PROSER2: variants seen among roughly 807,000 people sequenced by gnomAD.
The protein encoded by PROSER2 is proline and serine-rich protein 2.
PROSER2 carries 18 observed loss-of-function variants against 14.6 expected under a neutral mutation model. The observed-to-expected ratio is 1.23, with a 90% CI of 0.85 to 1.83. The LOEUF (loss-of-function observed/expected upper bound fraction) is 1.83. PROSER2 is among the 40% of genes most tolerant of loss of function. PROSER2 has a pLI of 0.00. For missense variants in PROSER2, 823 were observed against 629.8 expected (o/e 1.31, Z -3.28); for synonymous variants, 367 against 286.4 (o/e 1.28, Z -2.84).
Position 11,856,367 on chromosome 10 carries a change from C to T in PROSER2, c.138+4152C>T, listed in dbSNP as rs111651443. Among the ~76,000 whole-genome samples the T allele has an allele frequency of 1.3e-5, 2 of 152,170 alleles. No individual in the cohort carries two copies. Among genetic ancestry groups the T allele is most frequent in the Non-Finnish European group, 2.9e-5 (2 of 68,030 alleles). ...CCTCACACCAGCGTTCCCAGGCTCTCACTCTGAATGAGGTCCTGAAGTCGG... is the reference window on the plus strand; with the variant it reads ...CCTCACACCAGCGTTCCCAGGCTCTTACTCTGAATGAGGTCCTGAAGTCGG... On this transcript the variant is annotated intron_variant, in intron 2 of 3. Transcript: ENST00000277570. The surrounding 1 kb of genome is among the most constrained non-coding windows in gnomAD (Gnocchi z 5.3).
rs375679878 is a variant in PROSER2 at position 11,866,646 on chromosome 10, G to A, written c.254G>A (p.Gly85Glu). The stretch of plus-strand genomic sequence containing the variant: ...GAGGAGCCAGTGCTGTGCGATGGAG[G>A]AGTGTGCTGCCTCTGCTCCCCGTCT... The part of the protein sequence containing the change: ...DFEEPVLCDG[G>E]VCCLCSPSLE... The change falls in exon 3 of 4, where the codon GGA becomes GAA. Residue 85 changes from glycine (G) to glutamate (E), a missense_variant. Gly to Glu is a moderately conservative substitution (Grantham distance 98). Coordinates refer to ENST00000277570, the MANE Select transcript of PROSER2 (RefSeq NM_153256.4). This position sits in a 1 kb window ranked among gnomAD's most constrained non-coding sequence, Gnocchi z 6.0. 3 of 1,614,096 alleles carry A rather than the reference G, an allele frequency of 1.9e-6. No individual in the cohort carries two copies. Among genetic ancestry groups the A allele is most frequent in the Non-Finnish European group, 2.5e-6 (3 of 1,180,044 alleles).
intron 1 of PROSER2, among the ~76,000 whole-genome samples, chr10:11,835,925 A>G (rs1357223813): frequency 1.3e-5 from 2 of 152,160 alleles, no homozygotes; most frequent in South Asian, 2.1e-4. Flanking sequence ...AAGAGTTCCC[A>G]CCGTGAAACG....
At position 11,855,797 on chromosome 10, in the gene PROSER2, G is replaced by A. The variant is rs1055731532; in HGVS notation, c.138+3582G>A. On this transcript the variant is annotated intron_variant, in intron 2 of 3. Transcript: ENST00000277570. The stretch of plus-strand genomic sequence containing the variant: ...TACATAAATTCTAGAAGATGATCTC[G>A]AATAGTTTTTAAAGTTAAAATAGCC... 3.3e-5 allele frequency among the ~76,000 whole-genome samples: 5 copies of A among 152,138 alleles called. No individual in the cohort carries two copies. In the South Asian group the frequency reaches 8.3e-4, roughly 25 times the overall value.
At chr10:11,842,850 C>T (rs1233900872) in intron 1 of PROSER2, among the ~76,000 whole-genome samples, 3 of 149,202 alleles carry the variant, frequency 2.0e-5, no homozygotes, top group South Asian at 2.2e-4. Context: ...CATATGTGTG[C>T]GTGAATGTGT....
chr10:11,840,938 AAAAAAAAAAAAAAAAAAATATAT>A lies in PROSER2; in HGVS notation c.-81-11057_-81-11035del, dbSNP rs1406701895. On this transcript the variant is annotated intron_variant, in intron 1 of 3. Transcript: ENST00000277570. ...AGACTGTCTCAAAAAAAAAAAAAAA[AAAAAAAAAAAAAAAAAAATATAT>A]ATATATATATATATATATATATATA... Among the ~76,000 whole-genome samples the A allele has an allele frequency of 7.2e-3, 446 of 62,340 alleles. 1 individual carries two copies. Among genetic ancestry groups the A allele is most frequent in the Non-Finnish European group, 0.012 (359 of 31,156 alleles). 40.9% of individuals were successfully genotyped at this position (62,340 alleles called of 152,430 possible).
At chr10:11,868,176 T>G (rs1164260198) in intron 3 of PROSER2, among the ~76,000 whole-genome samples, 1 of 152,252 alleles carries the variant, frequency 6.6e-6, no homozygotes, top group African/African-American at 2.4e-5. Flanking sequence ...AACCAGCCGA[T>G]CCTTTTAAAA....
rs1173688599 is a variant in PROSER2, at chr10:11,870,355, G to A, written c.1257G>A (p.Glu419=). 6 of 1,508,746 alleles carry A rather than the reference G, an allele frequency of 4.0e-6. No homozygotes were observed. Among genetic ancestry groups the A allele is most frequent in the Non-Finnish European group, 5.3e-6 (6 of 1,130,806 alleles). The allele number at this position is 1,508,746 out of a possible 1,614,324, so 93.5% of individuals were successfully genotyped here. ...VQFAGRGSSE[E]ARREALRKLG... is the part of the protein sequence containing the mutation. ...TCGCGGGCCGCGGCTCCTCGGAGGA[G>A]GCGCGCAGGGAGGCCCTGCGGAAGC... Residue 419 remains glutamate (E), a synonymous_variant, in exon 4 of 4, where the codon GAG becomes GAA. Transcript: ENST00000277570.
Position 11,838,937 on chromosome 10 carries a change from C to T in PROSER2, c.-81-13060C>T, listed in dbSNP as rs1371836095. On this transcript the variant is annotated intron_variant, in intron 1 of 3. Coordinates refer to ENST00000277570, the MANE Select transcript of PROSER2 (RefSeq NM_153256.4). The surrounding 1 kb of genome is among the most constrained non-coding windows in gnomAD (Gnocchi z 4.4). ...TCTTCTATGAGCTGGCAGCTTTTCT[C>T]TTAATATTGTCTATGGTGTCCTTAA... Among the ~76,000 whole-genome samples the T allele has an allele frequency of 6.6e-6, 1 of 152,166 alleles. No homozygotes were observed. The highest frequency in any genetic ancestry group is 6.5e-5 in the Admixed American group (1 of 15,276).
intron 1 of PROSER2, among the ~76,000 whole-genome samples, chr10:11,840,922 C>CAAAA (rs1169517487): frequency 7.9e-5 from 4 of 50,406 alleles, no homozygotes; most frequent in Non-Finnish European, 9.7e-5. Flanking sequence ...GAGACTGTCT[C>CAAAA]AAAAAAAAAA....
Position 11,870,671 on chromosome 10 carries a change from A to C in PROSER2, c.*265A>C. ...CCTTTTCCCAAGAACTGAGAGAGAG[A>C]GAATAACCTGTTAGACCCATAGGTT... On this transcript the variant is annotated 3_prime_UTR_variant, in exon 4 of 4. Coordinates refer to ENST00000277570, the MANE Select transcript of PROSER2 (RefSeq NM_153256.4). 1 of 412,824 alleles carries C rather than the reference A, an allele frequency of 2.4e-6. No homozygotes were observed. The highest frequency in any genetic ancestry group is 5.6e-5 in the South Asian group (1 of 17,806). 25.6% of individuals were successfully genotyped at this position (412,824 alleles called of 1,614,324 possible). A position where few individuals can be genotyped will look rare whatever the true frequency, so the allele number is the denominator to read the frequency against.
In PROSER2 at chr10:11,832,530, C is replaced by T. The variant is rs145000680; in HGVS notation, c.-82+9060C>T. 5.7e-4 allele frequency among the ~76,000 whole-genome samples: 86 copies of T among 152,174 alleles called. 1 individual carries two copies. The highest frequency in any genetic ancestry group is 2.0e-3 in the African/African-American group (82 of 41,516). ...ATATTGGGAGGCGTTACTGGGTTAG[C>T]GTGTGTAATGTTTATTGGTGTCAAC... On this transcript the variant is annotated intron_variant, in intron 1 of 3. Coordinates refer to ENST00000277570, the MANE Select transcript of PROSER2 (RefSeq NM_153256.4).
chr10:11,829,040 G>A (rs949278257), intron 1 of PROSER2, among the ~76,000 whole-genome samples: 2 of 152,042 alleles, frequency 1.3e-5, no homozygotes, highest in Non-Finnish European at 2.9e-5. Context: ...TGCCGCAAGG[G>A]GTTAGCCTTC....
At chr10:11,867,611 G>A (rs1323342472) in intron 3 of PROSER2, among the ~76,000 whole-genome samples, 2 of 152,196 alleles carry the variant, frequency 1.3e-5, no homozygotes, top group Non-Finnish European at 2.9e-5. Flanking sequence ...GTGGCAGAGC[G>A]AGACCCTGTC....
intron 1 of PROSER2, among the ~76,000 whole-genome samples, chr10:11,834,770 T>C (rs932179005): frequency 4.6e-5 from 7 of 151,950 alleles, no homozygotes; most frequent in African/African-American, 1.7e-4. Context: ...CCACCTTGCC[T>C]GGCCTGTGGT....
chr10:11,869,389 T>A lies in PROSER2; in HGVS notation c.392-101T>A. 1 of 842,360 alleles carries A rather than the reference T, an allele frequency of 1.2e-6. No individual in the cohort carries two copies. 52.2% of individuals were successfully genotyped at this position (842,360 alleles called of 1,614,324 possible). On this transcript the variant is annotated intron_variant, in intron 3 of 3. Coordinates refer to ENST00000277570, the MANE Select transcript of PROSER2 (RefSeq NM_153256.4). The surrounding 1 kb of genome is among the most constrained non-coding windows in gnomAD (Gnocchi z 4.4). ...ACAGGCAGCACCGGCGAAGTTGGTGTCAGGTCCAGGTTGAGGCTCTTTTCA... is the reference window on the plus strand; with the variant it reads ...ACAGGCAGCACCGGCGAAGTTGGTGACAGGTCCAGGTTGAGGCTCTTTTCA...
In PROSER2 at chr10:11,823,895, G is replaced by C. The variant is rs539258678; in HGVS notation, c.-82+425G>C. ...GGCCTCGGGGAGAGGGTGCGGGTCCGACACGGCGGGCGGAGCCACCTGTTC... is the reference window on the plus strand; with the variant it reads ...GGCCTCGGGGAGAGGGTGCGGGTCCCACACGGCGGGCGGAGCCACCTGTTC... On this transcript the variant is annotated intron_variant, in intron 1 of 3. Transcript: ENST00000277570. The surrounding 1 kb of genome is among the most constrained non-coding windows in gnomAD (Gnocchi z 6.2). Among the ~76,000 whole-genome samples the C allele has an allele frequency of 7.9e-5, 12 of 152,188 alleles. No individual in the cohort carries two copies. Among genetic ancestry groups the C allele is most frequent in the African/African-American group, 2.6e-4 (11 of 41,550 alleles).
At position 11,856,120 on chromosome 10, in the gene PROSER2, G is replaced by A. The variant is rs1310528274; in HGVS notation, c.138+3905G>A. ...CAAGGCGGTGCTTCCTGACAACGTC[G>A]GGAGTGTGCTTGTGGAGCTTACTAC... On this transcript the variant is annotated intron_variant, in intron 2 of 3. Transcript: ENST00000277570. This position sits in a 1 kb window ranked among gnomAD's most constrained non-coding sequence, Gnocchi z 5.3. Among the ~76,000 whole-genome samples the A allele has an allele frequency of 1.3e-5, 2 of 152,152 alleles. No homozygotes were observed. The highest frequency in any genetic ancestry group is 4.8e-5 in the African/African-American group (2 of 41,438).
chr10:11,864,426 TCTCTCTATATACACAACACACGCA>T (rs1564313538), intron 2 of PROSER2, among the ~76,000 whole-genome samples: 2 of 152,178 alleles, frequency 1.3e-5, no homozygotes, highest in African/African-American at 4.8e-5. Context: ...TAACATGCGC[TCTCTCTATATACACAACACACGCA>T]CACTTTATTT....
chr10:11,853,165 T>G (rs549908376), intron 2 of PROSER2, among the ~76,000 whole-genome samples: 3 of 152,322 alleles, frequency 2.0e-5, no homozygotes, highest in South Asian at 4.1e-4. Context: ...CACTGAGCCA[T>G]AAAATTAGCC....
Sources: allele counts gnomAD v4.1 joint callset (sites outside exome capture counted in the v4.1 genomes callset), GRCh38; gene constraint gnomAD v4.1.1; non-coding constraint Gnocchi (gnomAD v3.1); transcripts MANE v1.5; gene names NCBI Gene and HGNC (gene_info 2026-07-23, HGNC 2026-07-21).